Variants in STAU2 observed in about 807,000 individuals in gnomAD.
The protein encoded by STAU2 is double-stranded RNA-binding protein Staufen homolog 2.
Under a neutral mutation model 65.9 loss-of-function variants are expected in STAU2, and 20 were observed. The ratio of observed to expected loss-of-function variants is 0.30; its 90% CI spans 0.21 to 0.44. The LOEUF is 0.44. Among genes scored for constraint, STAU2 ranks in the 20% least tolerant of loss-of-function variants. STAU2 has a pLI of 1.00. For synonymous variants in STAU2, 232 were observed against 233.9 expected (o/e 0.99, Z 0.07); for missense variants, 558 against 683.9 (o/e 0.82, Z 2.05).
rs113185247 is a variant in STAU2 at position 73,706,301 on chromosome 8, A to G, written c.114+2731T>C. 3.6e-3 allele frequency among the ~76,000 whole-genome samples: 540 copies of G among 152,096 alleles called. 3 individuals carry two copies. The highest frequency in any genetic ancestry group is 0.011 in the African/African-American group (465 of 41,472). ...CCCGGCTAATTTTTGTATTTTTAGT[A>G]GAGAAGGGTTTCACCATGTTGGCCA... On this transcript the variant is annotated intron_variant, in intron 4 of 14. Transcript: ENST00000524300.
intron 13 of STAU2, among the ~76,000 whole-genome samples, chr8:73,491,775 C>T (rs912626091): frequency 1.3e-5 from 2 of 151,866 alleles, no homozygotes; most frequent in Non-Finnish European, 2.9e-5. Context: ...GCCTACAGAG[C>T]TTTAAGTGAT....
chr8:73,677,458 G>C (rs1386737726), intron 5 of STAU2, among the ~76,000 whole-genome samples: 1 of 152,098 alleles, frequency 6.6e-6, no homozygotes, highest in Non-Finnish European at 1.5e-5. Flanking sequence ...ATAGTACAAT[G>C]AATAATATGT....
At chr8:73,530,948 A>G (rs372278546) in intron 13 of STAU2, among the ~76,000 whole-genome samples, 1 of 152,298 alleles carries the variant, frequency 6.6e-6, no homozygotes, top group South Asian at 2.1e-4. Context: ...CTCAAGACAC[A>G]TGGACATGGT....
At chr8:73,699,836 T>C (rs376747382) in intron 4 of STAU2, among the ~76,000 whole-genome samples, 1 of 132,724 alleles carries the variant, frequency 7.5e-6, no homozygotes, top group East Asian at 2.3e-4. Context: ...AGTATTACCC[T>C]GATACCAAAA....
chr8:73,519,309 C>T (rs1052184702), intron 13 of STAU2, among the ~76,000 whole-genome samples: 7 of 152,164 alleles, frequency 4.6e-5, no homozygotes, highest in South Asian at 4.2e-4. Context: ...TAAAAAAGTT[C>T]GTCTTGGTAA....
rs576615138 is a variant in STAU2, at chr8:73,572,499, A to G, written c.1222+10271T>C. Among the ~76,000 whole-genome samples the G allele has an allele frequency of 2.7e-4, 41 of 152,362 alleles. No homozygotes were observed. In the South Asian group the frequency reaches 7.0e-3, roughly 26 times the overall value. ...ACTGAACATTGATGCAAAAATCCTC[A>G]ATAAAATACTGGCAAACCGAATCCA... On this transcript the variant is annotated intron_variant, in intron 12 of 14. Coordinates refer to ENST00000524300, the MANE Select transcript of STAU2 (RefSeq NM_001164380.2).
At chr8:73,722,920 G>T (rs375336097) in intron 3 of STAU2, among the ~76,000 whole-genome samples, 152 of 152,154 alleles carry the variant, frequency 1.0e-3, no homozygotes, top group African/African-American at 3.5e-3. Context: ...ATTAAACAAT[G>T]AAATGAATGT....
intron 3 of STAU2, among the ~76,000 whole-genome samples, chr8:73,720,501 T>A (rs79673054): frequency 3.2e-4 from 10 of 31,526 alleles, no homozygotes; most frequent in African/African-American, 1.9e-3. Context: ...AATACTTTCT[T>A]TTTTTTTTTT....
intron 13 of STAU2, chr8:73,441,635 C>G (rs186227544): frequency 3.3e-5 from 5 of 152,272 alleles, no homozygotes; most frequent in Admixed American, 1.3e-4. Context: ...AGAAACAGTA[C>G]CCATGTGGAA....
At chr8:73,535,344 T>C (rs1486300182) in intron 13 of STAU2, among the ~76,000 whole-genome samples, 1 of 152,164 alleles carries the variant, frequency 6.6e-6, no homozygotes, top group Non-Finnish European at 1.5e-5. Context: ...TAATTTTTTG[T>C]ATTTTTAGTA....
At chr8:73,460,324 A>G (rs1021977517) in intron 13 of STAU2, among the ~76,000 whole-genome samples, 7 of 152,236 alleles carry the variant, frequency 4.6e-5, no homozygotes, top group Non-Finnish European at 7.3e-5. Context: ...GTTCCAGGTT[A>G]GAAGAGAGAC....
intron 3 of STAU2, among the ~76,000 whole-genome samples, chr8:73,725,492 T>C (rs1805560045): frequency 6.6e-6 from 1 of 152,220 alleles, no homozygotes; most frequent in African/African-American, 2.4e-5. Flanking sequence ...TTTAGTCAAT[T>C]ATCTTTTTAA....
At chr8:73,682,848 C>A (rs1157893832) in intron 5 of STAU2, among the ~76,000 whole-genome samples, 7 of 152,038 alleles carry the variant, frequency 4.6e-5, no homozygotes, top group African/African-American at 2.4e-5. Context: ...TTTACACACA[C>A]AAACTAGAAA....
chr8:73,478,868 CAGAT>C (rs1463558806), intron 13 of STAU2, among the ~76,000 whole-genome samples: 1 of 152,106 alleles, frequency 6.6e-6, no homozygotes, highest in Non-Finnish European at 1.5e-5. Flanking sequence ...ATTAGATAGA[CAGAT>C]AGATGGTTGA....
At chr8:73,422,187 A>AG (rs1816433636) in intron 14 of STAU2, among the ~76,000 whole-genome samples, 1 of 152,152 alleles carries the variant, frequency 6.6e-6, no homozygotes, top group African/African-American at 2.4e-5. Context: ...AGCCGAGGGG[A>AG]GGGGCGCCTC....
Position 73,450,112 on chromosome 8 carries a change from A to C in STAU2, c.1531-27410T>G, listed in dbSNP as rs116383746. 2.5e-3 allele frequency among the ~76,000 whole-genome samples: 379 copies of C among 152,300 alleles called. 2 individuals carry two copies. Among genetic ancestry groups the C allele is most frequent in the African/African-American group, 8.7e-3 (362 of 41,556 alleles). On this transcript the variant is annotated intron_variant, in intron 13 of 14. Coordinates refer to ENST00000524300, the MANE Select transcript of STAU2 (RefSeq NM_001164380.2). The stretch of plus-strand genomic sequence containing the variant: ...GATGCATGGATTTGGGGGCTTTATG[A>C]ATTTAGACATTTTAAAATATGTATT...
intron 12 of STAU2, among the ~76,000 whole-genome samples, chr8:73,579,867 T>C (rs578011811): frequency 8.5e-5 from 13 of 152,332 alleles, no homozygotes; most frequent in African/African-American, 2.9e-4. Flanking sequence ...AACCAGGCTA[T>C]GTAATCACAA....
intron 6 of STAU2, among the ~76,000 whole-genome samples, chr8:73,625,030 C>T (rs942950247): frequency 6.6e-6 from 1 of 152,010 alleles, no homozygotes; most frequent in African/African-American, 2.4e-5. Context: ...TAAGACACTA[C>T]TTCACACACC....
At chr8:73,671,609 T>C (rs1286126478) in intron 6 of STAU2, among the ~76,000 whole-genome samples, 1 of 152,156 alleles carries the variant, frequency 6.6e-6, no homozygotes, top group Non-Finnish European at 1.5e-5. Flanking sequence ...AACAAAGATT[T>C]ACATAGTGAT....
Sources: gnomAD v4.1 joint callset for allele counts (sites outside exome capture counted in the v4.1 genomes callset) on GRCh38, gnomAD v4.1.1 for gene constraint, MANE v1.5 for transcripts, NCBI Gene and HGNC (gene_info 2026-07-23, HGNC 2026-07-21) for gene names.